FARS2: variants seen among roughly 807,000 people sequenced by gnomAD.
FARS2 encodes phenylalanine--tRNA ligase, mitochondrial.
In FARS2, 40 loss-of-function variants were observed where a neutral mutation model predicts 46.4. The observed-to-expected ratio is 0.86, with a 90% confidence interval of 0.67 to 1.12. The LOEUF (loss-of-function observed/expected upper bound fraction) is 1.12, where lower values mean the gene tolerates loss of function less well. FARS2 is among the 50% of genes most tolerant of loss of function. The pLI is 0.00. For missense variants in FARS2, 513 were observed against 567.9 expected, an observed-to-expected ratio of 0.90 and a Z score of 0.98; for synonymous variants, 234 against 214.9, an observed-to-expected ratio of 1.09 and a Z score of -0.78.
chr6:5,498,856 T>C (rs1412742825), intron 4 of FARS2, among the ~76,000 whole-genome samples: 2 of 152,240 alleles, frequency 1.3e-5, no homozygotes, highest in African/African-American at 4.8e-5. Context: ...AGCAGGATGC[T>C]AGAAATTGAA....
At chr6:5,686,666 T>C (rs981511825) in intron 6 of FARS2, among the ~76,000 whole-genome samples, 2 of 152,254 alleles carry the variant, frequency 1.3e-5, no homozygotes, top group Non-Finnish European at 2.9e-5. Flanking sequence ...TAAACATACA[T>C]GTGCATGTGT....
chr6:5,418,694 A>T (rs1762379382), intron 3 of FARS2, among the ~76,000 whole-genome samples: 2 of 151,406 alleles, frequency 1.3e-5, no homozygotes, highest in African/African-American at 2.4e-5. Flanking sequence ...TCTCTCCTTT[A>T]CTCTGCCCTG....
At chr6:5,515,185 A>G (rs1245325235) in intron 4 of FARS2, among the ~76,000 whole-genome samples, 1 of 152,118 alleles carries the variant, frequency 6.6e-6, no homozygotes, top group Non-Finnish European at 1.5e-5. Context: ...AATAATAAAA[A>G]CTTTTTTGTA....
At chr6:5,298,639 G>A (rs749586080) in intron 1 of FARS2, among the ~76,000 whole-genome samples, 1 of 152,178 alleles carries the variant, frequency 6.6e-6, no homozygotes, top group Non-Finnish European at 1.5e-5. Flanking sequence ...CACATTTGAT[G>A]TGGGCCTTGG....
chr6:5,550,602 G>A (rs976557510), intron 5 of FARS2, among the ~76,000 whole-genome samples: 1 of 152,218 alleles, frequency 6.6e-6, no homozygotes, highest in African/African-American at 2.4e-5. Context: ...GTATATGCAG[G>A]TGAGTTGTTT....
At chr6:5,567,377 T>C (rs1430897366) in intron 5 of FARS2, among the ~76,000 whole-genome samples, 1 of 152,238 alleles carries the variant, frequency 6.6e-6, no homozygotes, top group Non-Finnish European at 1.5e-5. Flanking sequence ...TTTGTTATTT[T>C]TATATATTTT....
intron 5 of FARS2, among the ~76,000 whole-genome samples, chr6:5,552,646 G>A (rs2326645): frequency 0.7 from 105,905 of 151,846 alleles, 37,447 homozygotes; most frequent in Middle Eastern, 0.86. Context: ...AAATCTAGTC[G>A]GTAAGAAACT....
In FARS2 at chr6:5,466,566, T is replaced by G. The variant is rs943278065; in HGVS notation, c.904+35394T>G. On this transcript the variant is annotated intron_variant, in intron 4 of 6. Coordinates refer to ENST00000274680, the MANE Select transcript of FARS2 (RefSeq NM_006567.5). ...TTGTTTGTTATTCCCTAGGCTTGTT[T>G]CAGTTTCACATCAACCCAGAGGATA... 54 of 985,334 alleles carry G rather than the reference T, an allele frequency of 5.5e-5. No individual in the cohort carries two copies. In the African/African-American group the frequency reaches 8.0e-4, roughly 15 times the overall value. The allele number at this position is 985,334 out of a possible 1,614,324, so 61.0% of individuals were successfully genotyped here.
intron 5 of FARS2, among the ~76,000 whole-genome samples, chr6:5,573,410 A>G (rs560312541): frequency 8.5e-5 from 13 of 152,170 alleles, no homozygotes; most frequent in East Asian, 5.8e-4. Flanking sequence ...ACACACACAC[A>G]CGCGTGCGTG....
chr6:5,371,199 G>A, intron 2 of FARS2: 1 of 984,664 alleles, frequency 1.0e-6, no homozygotes, highest in Non-Finnish European at 1.2e-6. Flanking sequence ...TCAGAAGATT[G>A]TGGTGTTTTC....
At chr6:5,546,859 C>A (rs1041573520) in intron 5 of FARS2, among the ~76,000 whole-genome samples, 1 of 151,870 alleles carries the variant, frequency 6.6e-6, no homozygotes, top group Non-Finnish European at 1.5e-5. Flanking sequence ...TTTCATTTAT[C>A]TACTGAAATG....
At chr6:5,365,921 G>C (rs1373177842) in intron 1 of FARS2, among the ~76,000 whole-genome samples, 1 of 152,152 alleles carries the variant, frequency 6.6e-6, no homozygotes, top group African/African-American at 2.4e-5. Flanking sequence ...TCATCCTAAA[G>C]ATCTTTATTC....
intron 1 of FARS2, among the ~76,000 whole-genome samples, chr6:5,352,403 C>T (rs770096785): frequency 3.0e-4 from 46 of 151,798 alleles, no homozygotes; most frequent in Admixed American, 7.2e-4. Context: ...GTACGTCATG[C>T]CCACTCTGCT....
chr6:5,626,408 T>A (rs1307706295), intron 6 of FARS2, among the ~76,000 whole-genome samples: 1 of 152,162 alleles, frequency 6.6e-6, no homozygotes, highest in Admixed American at 6.5e-5. Flanking sequence ...TAACTTCCAC[T>A]GGACATGACA....
At chr6:5,348,930 T>G (rs1200172177) in intron 1 of FARS2, among the ~76,000 whole-genome samples, 2 of 152,194 alleles carry the variant, frequency 1.3e-5, no homozygotes, top group Non-Finnish European at 2.9e-5. Flanking sequence ...AACAAAGATG[T>G]CTGCTTTTAC....
rs9405868 is a variant in FARS2 at position 5,727,017 on chromosome 6, T to C, written c.1218-44274T>C. On this transcript the variant is annotated intron_variant, in intron 6 of 6. Coordinates refer to ENST00000274680, the MANE Select transcript of FARS2 (RefSeq NM_006567.5). This position sits in a 1 kb window ranked among gnomAD's most constrained non-coding sequence, Gnocchi z 4.1. ...TGACCGCTGTCAACTGCAAATGGTATGGCCTTGGGTCAGATACTTGGCCTC... is the reference window on the plus strand; with the variant it reads ...TGACCGCTGTCAACTGCAAATGGTACGGCCTTGGGTCAGATACTTGGCCTC... Among the ~76,000 whole-genome samples, 105,657 of 152,196 alleles carry C rather than the reference T, an allele frequency of 0.69. 38,047 individuals are homozygous for C. The highest frequency in any genetic ancestry group is 0.97 in the East Asian group (5,012 of 5,182).
At chr6:5,570,539 T>C in intron 5 of FARS2, among the ~76,000 whole-genome samples, 1 of 152,208 alleles carries the variant, frequency 6.6e-6, no homozygotes, top group East Asian at 1.9e-4. Flanking sequence ...TTGTATGAGT[T>C]TCTTATTATT....
intron 6 of FARS2, among the ~76,000 whole-genome samples, chr6:5,664,081 A>T (rs188190885): frequency 2.6e-5 from 4 of 152,256 alleles, no homozygotes; most frequent in Non-Finnish European, 5.9e-5. Context: ...TGCAATCTGA[A>T]CACAAATTAA....
intron 6 of FARS2, among the ~76,000 whole-genome samples, chr6:5,709,017 C>T (rs1233300446): frequency 6.6e-6 from 1 of 152,218 alleles, no homozygotes; most frequent in Non-Finnish European, 1.5e-5. Flanking sequence ...GGGACACTTC[C>T]TCCCTTGTCG....
Sources: gnomAD v4.1 joint callset for allele counts (sites outside exome capture counted in the v4.1 genomes callset) on GRCh38, gnomAD v4.1.1 for gene constraint, Gnocchi (gnomAD v3.1) non-coding constraint, MANE v1.5 for transcripts, NCBI Gene and HGNC (gene_info 2026-07-23, HGNC 2026-07-21) for gene names.